Variants in ERCC6 observed in about 807,000 individuals in gnomAD.
ERCC6 encodes DNA excision repair protein ERCC-6.
A neutral mutation model predicts 158.7 loss-of-function variants in ERCC6; 116 were observed. That is an observed-to-expected ratio of 0.73 (90% CI 0.63 to 0.85). The LOEUF is 0.85. Among genes scored for constraint, ERCC6 ranks in the 40% least tolerant of loss-of-function variants. The pLI, the probability that ERCC6 is intolerant of heterozygous loss-of-function variation, is 0.00. For missense variants in ERCC6, 1,698 were observed against 1,799.4 expected, an observed-to-expected ratio of 0.94 and a Z score of 1.02; for synonymous variants, 678 against 659.3, an observed-to-expected ratio of 1.03 and a Z score of -0.43.
At chr10:49,521,477 C>A (rs945206815) in intron 5 of ERCC6, among the ~76,000 whole-genome samples, 4 of 152,196 alleles carry the variant, frequency 2.6e-5, no homozygotes, top group South Asian at 2.1e-4. Context: ...TTTAAGAAAG[C>A]ACTAGACCTC....
At chr10:49,525,911 C>T (rs950005044) in intron 4 of ERCC6, among the ~76,000 whole-genome samples, 1 of 151,436 alleles carries the variant, frequency 6.6e-6, no homozygotes, top group African/African-American at 2.4e-5. Context: ...AATGTTTGTG[C>T]CCTGTGTCCA....
intron 5 of ERCC6, among the ~76,000 whole-genome samples, chr10:49,521,582 T>C (rs1454408754): frequency 1.3e-5 from 2 of 152,168 alleles, no homozygotes; most frequent in Admixed American, 1.3e-4. Flanking sequence ...CCACTGACCA[T>C]AGAACCGACA....
intron 8 of ERCC6, 64 bp from the exon 9 acceptor site, chr10:49,483,580 C>T: frequency 6.7e-7 from 1 of 1,490,526 alleles, no homozygotes; most frequent in Non-Finnish European, 9.3e-7. Context: ...TCAATCATGA[C>T]ACAATCTAAA....
intron 8 of ERCC6, among the ~76,000 whole-genome samples, chr10:49,484,502 G>A (rs1486037699): frequency 6.6e-6 from 1 of 152,094 alleles, no homozygotes; most frequent in African/African-American, 2.4e-5. Context: ...CACTTTGGGA[G>A]GCTGAGGGAG....
chr10:49,454,473 G>A lies in ERCC6; in HGVS notation c.*4342C>T, dbSNP rs1850454897. On this transcript the variant is annotated 3_prime_UTR_variant, in exon 21 of 21. Coordinates refer to ENST00000355832, the MANE Select transcript of ERCC6 (RefSeq NM_000124.4). Reference sequence around the variant, plus strand: ...TGACTCACTGTTCTTACCAAGATTTGGATTTTCTTGAATAAGCGTTACTTT... The same window carrying A: ...TGACTCACTGTTCTTACCAAGATTTAGATTTTCTTGAATAAGCGTTACTTT... 6.6e-6 allele frequency among the ~76,000 whole-genome samples: 1 copy of A among 152,106 alleles called. No homozygotes were observed. Among genetic ancestry groups the A allele is most frequent in the Non-Finnish European group, 1.5e-5 (1 of 68,020 alleles).
chr10:49,533,729 G>A (rs779263208), intron 1 of ERCC6, among the ~76,000 whole-genome samples: 6 of 152,192 alleles, frequency 3.9e-5, no homozygotes, highest in Non-Finnish European at 7.3e-5. Context: ...CTTGAGCCTG[G>A]GAGATGGAGG....
intron 10 of ERCC6, among the ~76,000 whole-genome samples, chr10:49,479,866 T>A (rs888396233): frequency 2.6e-5 from 4 of 152,140 alleles, no homozygotes; most frequent in Non-Finnish European, 4.4e-5. Flanking sequence ...CCTCTATTCA[T>A]AAAAACACAA....
intron 18 of ERCC6, among the ~76,000 whole-genome samples, chr10:49,469,444 C>G (rs1287136818): frequency 6.6e-6 from 1 of 152,028 alleles, no homozygotes; most frequent in South Asian, 2.1e-4. Flanking sequence ...ATGTTAATAA[C>G]TTAGATAAAG....
intron 6 of ERCC6, chr10:49,503,333 C>T (rs865906739): frequency 6.6e-6 from 1 of 151,974 alleles, no homozygotes; most frequent in South Asian, 2.1e-4. Context: ...ATCTAATCTT[C>T]GACGGCTTTC....
intron 5 of ERCC6, among the ~76,000 whole-genome samples, chr10:49,519,686 T>C (rs987104422): frequency 1.3e-5 from 2 of 152,178 alleles, no homozygotes; most frequent in African/African-American, 4.8e-5. Context: ...TTGCTGAGTG[T>C]GGGCCATAGT....
At chr10:49,464,344 T>G (rs189706198) in intron 18 of ERCC6, among the ~76,000 whole-genome samples, 251 of 152,324 alleles carry the variant, frequency 1.6e-3, no homozygotes, top group African/African-American at 5.7e-3. Flanking sequence ...CAGCAAAGCA[T>G]TCAACAGGTG....
intron 7 of ERCC6, 107 bp from the exon 8 acceptor site, chr10:49,493,359 AC>A: frequency 1.5e-6 from 2 of 1,323,404 alleles, no homozygotes; most frequent in Non-Finnish European, 1.1e-6. Context: ...GTTCAAAAAA[AC>A]AATGCTAACT....
chr10:49,521,973 A>T (rs544844383), intron 5 of ERCC6, among the ~76,000 whole-genome samples: 26 of 152,308 alleles, frequency 1.7e-4, no homozygotes, highest in African/African-American at 6.3e-4. Flanking sequence ...AGATATCCAG[A>T]AGTCACCCAC....
chr10:49,458,888 A>G lies in ERCC6; in HGVS notation c.4409T>C (p.Leu1470Ser). 1 of 1,614,220 alleles carries G rather than the reference A, an allele frequency of 6.2e-7. No homozygotes were observed. Among genetic ancestry groups the G allele is most frequent in the South Asian group, 1.1e-5 (1 of 91,080 alleles). ...TCTATGGAAAGTGCACAGATTTCTC[A>G]ATAGTTCTCGGAAGACACAAGACTG... ...ASQSCVFREL[L>S]RNLCTFHRTS... Residue 1470 changes from leucine (L) to serine (S), a missense_variant, in exon 21 of 21, where the codon TTG (leucine) becomes TCG (serine). Physicochemically the swap from Leu to Ser is moderately radical, Grantham distance 145. Transcript: ENST00000355832.
chr10:49,510,624 C>A (rs1159294251), intron 5 of ERCC6, among the ~76,000 whole-genome samples: 1 of 152,174 alleles, frequency 6.6e-6, no homozygotes, highest in Non-Finnish European at 1.5e-5. Context: ...CTCCACTGGA[C>A]TGGAAGCCAC....
At chr10:49,492,824 T>A (rs1405533551) in intron 8 of ERCC6, among the ~76,000 whole-genome samples, 1 of 152,216 alleles carries the variant, frequency 6.6e-6, no homozygotes, top group Non-Finnish European at 1.5e-5. Flanking sequence ...ACCTGACTTA[T>A]GACTCCAACC....
At chr10:49,459,722 A>G (rs1850544141) in intron 20 of ERCC6, among the ~76,000 whole-genome samples, 1 of 152,136 alleles carries the variant, frequency 6.6e-6, no homozygotes, top group Non-Finnish European at 1.5e-5. Flanking sequence ...AACTTGCCTT[A>G]AAAAAACACA....
chr10:49,476,136 A>G (rs1850872521), intron 12 of ERCC6, 79 bp downstream of exon 12: 2 of 999,340 alleles, frequency 2.0e-6, no homozygotes, highest in Non-Finnish European at 3.2e-6. Context: ...GCCTGGCACA[A>G]TGTAGATCCT....
chr10:49,478,540 T>C (rs1850919689), intron 10 of ERCC6, 70 bp from the exon 11 acceptor site: 3 of 903,936 alleles, frequency 3.3e-6, no homozygotes, highest in Non-Finnish European at 3.7e-6. Flanking sequence ...TACCTCTCAA[T>C]TGCTTCCATT....
Sources: allele counts gnomAD v4.1 joint callset (sites outside exome capture counted in the v4.1 genomes callset), GRCh38; gene constraint gnomAD v4.1.1; transcripts MANE v1.5; gene names NCBI Gene and HGNC (gene_info 2026-07-23, HGNC 2026-07-21).